Variants in KANK1 observed in about 807,000 individuals in gnomAD.
KANK1 encodes KN motif and ankyrin repeat domains 1, also known as KN motif and ankyrin repeat domain-containing protein 1.
Under a neutral mutation model 106.2 loss-of-function variants are expected in KANK1, and 109 were observed. The observed-to-expected ratio is 1.03, with a 90% CI of 0.88 to 1.20. KANK1 has a LOEUF of 1.20. KANK1 is among the 50% of genes most tolerant of loss of function. The pLI is 0.00. For missense variants in KANK1, 2,399 were observed against 1,710.7 expected (o/e 1.40, Z -7.10); for synonymous variants, 873 against 652.2 (o/e 1.34, Z -5.16).
At chr9:695,610 G>T (rs1370506014) in intron 2 of KANK1, among the ~76,000 whole-genome samples, 1 of 147,806 alleles carries the variant, frequency 6.8e-6, no homozygotes, top group Non-Finnish European at 1.5e-5. Context: ...TGACTTCGTG[G>T]GGGGGGGGGC....
At chr9:570,053 T>C (rs930974243) in intron 1 of KANK1, among the ~76,000 whole-genome samples, 1 of 152,192 alleles carries the variant, frequency 6.6e-6, no homozygotes, top group South Asian at 2.1e-4. Context: ...GAGAATAGAA[T>C]AGTTTTTTTC....
chr9:500,857 G>A (rs944280382), upstream of KANK1, among the ~76,000 whole-genome samples: 43 of 152,158 alleles, frequency 2.8e-4, no homozygotes, highest in African/African-American at 1.0e-3. Flanking sequence ...CTGAAAATTG[G>A]AAAGCAACAG....
chr9:536,759 A>G (rs553358527), intron 1 of KANK1, among the ~76,000 whole-genome samples: 3 of 152,312 alleles, frequency 2.0e-5, no homozygotes, highest in African/African-American at 7.2e-5. Flanking sequence ...TGAATGTAAC[A>G]TAGTCACAGG....
intron 1 of KANK1, among the ~76,000 whole-genome samples, chr9:635,090 C>A (rs1022428505): frequency 8.5e-5 from 13 of 152,168 alleles, no homozygotes; most frequent in Non-Finnish European, 1.8e-4. Flanking sequence ...AAAGGGAATG[C>A]CGTTATTATG....
chr9:542,628 A>G (rs757869189), intron 1 of KANK1, among the ~76,000 whole-genome samples: 3 of 152,228 alleles, frequency 2.0e-5, no homozygotes, highest in South Asian at 2.1e-4. Flanking sequence ...ATGATTCACA[A>G]TAGTCAAGTT....
chr9:510,862 C>G (rs7874553), intron 1 of KANK1, among the ~76,000 whole-genome samples: 24,159 of 152,108 alleles, frequency 0.16, 3,461 homozygotes, highest in African/African-American at 0.38. Context: ...CTCCTTTCCC[C>G]TCAGGTAAAA....
chr9:658,015 A>G (rs1842519003), intron 1 of KANK1, among the ~76,000 whole-genome samples: 1 of 152,040 alleles, frequency 6.6e-6, no homozygotes, highest in African/African-American at 2.4e-5. Context: ...CTGGGACTAC[A>G]GGCATGAACC....
At chr9:491,361 G>A (rs965336210) in intron 3 of KANK1, among the ~76,000 whole-genome samples, 4 of 151,516 alleles carry the variant, frequency 2.6e-5, no homozygotes, top group East Asian at 3.9e-4. Flanking sequence ...TCCGCCTCCC[G>A]GGTTCAAGCA....
chr9:554,005 T>C (rs1395277156), intron 1 of KANK1, among the ~76,000 whole-genome samples: 1 of 152,226 alleles, frequency 6.6e-6, no homozygotes, highest in Non-Finnish European at 1.5e-5. Context: ...TCAGGAGTTC[T>C]GGGACTGGCG....
chr9:713,411 C>T lies in KANK1; in HGVS notation c.2645C>T (p.Thr882Ile), dbSNP rs1205511895. The change falls in exon 3 of 12, where the codon ACT (threonine) becomes ATT (isoleucine). Residue 882 changes from threonine to isoleucine, a missense_variant. By Grantham distance (89) the Thr-to-Ile change is moderately conservative (BLOSUM62 -1). Coordinates refer to ENST00000382297, the MANE Select transcript of KANK1 (RefSeq NM_015158.5). The part of the protein sequence containing the change: ...SINSVMKSAS[T>I]EELRNPDFQK... ...AACTCTGTCATGAAATCTGCAAGCA[C>T]TGAAGAGCTGAGGAACCCTGACTTC... The T allele has an allele frequency of 1.2e-6, 2 of 1,611,792 alleles. No individual in the cohort carries two copies. The highest frequency in any genetic ancestry group is 2.2e-5 in the South Asian group (2 of 90,468).
At chr9:695,854 C>T (rs1821133813) in intron 2 of KANK1, among the ~76,000 whole-genome samples, 1 of 152,154 alleles carries the variant, frequency 6.6e-6, no homozygotes, top group Non-Finnish European at 1.5e-5. Flanking sequence ...GGCAGTCTGG[C>T]CCCAGAGTGC....
At chr9:696,279 G>A (rs1172737222) in intron 2 of KANK1, among the ~76,000 whole-genome samples, 10 of 147,724 alleles carry the variant, frequency 6.8e-5, no homozygotes, top group Admixed American at 4.0e-4. Context: ...GCGAGACTCC[G>A]TCTCAAAAAA....
chr9:711,766 C>A lies in KANK1; in HGVS notation c.1000C>A (p.Gln334Lys). The change falls in exon 3 of 12, where the codon CAG (glutamine) becomes AAG (lysine). Residue 334 changes from glutamine (Q) to lysine (K), a missense_variant. Gln to Lys is a moderately conservative substitution (Grantham distance 53). Coordinates refer to ENST00000382297, the MANE Select transcript of KANK1 (RefSeq NM_015158.5). ...YSAGNASQLE[Q>K]LSRARRSGGE... ...TGCGGGGAACGCCTCCCAGCTGGAA[C>A]AGCTCTCCCGGGCCCGAAGAAGTGG... The A allele has an allele frequency of 6.2e-7, 1 of 1,614,224 alleles. No homozygotes were observed. The highest frequency in any genetic ancestry group is 1.1e-5 in the South Asian group (1 of 91,082).
chr9:606,498 G>T (rs1469805339), intron 1 of KANK1, among the ~76,000 whole-genome samples: 1 of 148,072 alleles, frequency 6.8e-6, no homozygotes. Context: ...GGAGGTTGCA[G>T]TGAGCTGAGA....
At chr9:736,315 T>C (rs1833798446) in intron 7 of KANK1, among the ~76,000 whole-genome samples, 2 of 152,172 alleles carry the variant, frequency 1.3e-5, no homozygotes. Context: ...TGTATTGTTT[T>C]GTATTACATA....
chr9:532,493 A>G (rs575068281), intron 1 of KANK1, among the ~76,000 whole-genome samples: 10 of 150,732 alleles, frequency 6.6e-5, no homozygotes, highest in African/African-American at 2.2e-4. Context: ...TCATCTTCCT[A>G]AATAGAAACT....
intron 1 of KANK1, among the ~76,000 whole-genome samples, chr9:620,703 A>T (rs1268710259): frequency 6.6e-6 from 1 of 152,118 alleles, no homozygotes; most frequent in African/African-American, 2.4e-5. Context: ...ACTTTTAAAA[A>T]TTAAAAAAAT....
At chr9:576,573 C>T (rs768436539) in intron 1 of KANK1, among the ~76,000 whole-genome samples, 3 of 152,174 alleles carry the variant, frequency 2.0e-5, no homozygotes, top group Non-Finnish European at 2.9e-5. Flanking sequence ...CAGGCTCAGA[C>T]GTTTGCTTCG....
chr9:689,585 CT>C (rs58087629), intron 2 of KANK1, among the ~76,000 whole-genome samples: 3 of 152,066 alleles, frequency 2.0e-5, no homozygotes, highest in Non-Finnish European at 2.9e-5. Context: ...CTGGACTTTC[CT>C]TTTAATCCCC....
Sources: gnomAD v4.1 joint callset for allele counts (sites outside exome capture counted in the v4.1 genomes callset) on GRCh38, gnomAD v4.1.1 for gene constraint, MANE v1.5 for transcripts, NCBI Gene and HGNC (gene_info 2026-07-23, HGNC 2026-07-21) for gene names.